EML5: variants seen among roughly 807,000 people sequenced by gnomAD.
EML5 encodes the protein echinoderm microtubule-associated protein-like 5.
In EML5, 120 loss-of-function variants were observed where a neutral mutation model predicts 250.0. The ratio of observed to expected loss-of-function variants is 0.48; its 90% CI spans 0.41 to 0.56. The LOEUF is 0.56. Among genes scored for constraint, EML5 ranks in the 20% least tolerant of loss-of-function variants. The probability of loss-of-function intolerance (pLI) is 0.00; values close to 1 mark genes in which losing one functional copy is unlikely to be tolerated. For missense variants in EML5, 2,006 were observed against 2,437.6 expected, an observed-to-expected ratio of 0.82 and a Z score of 3.73; for synonymous variants, 771 against 806.5, an observed-to-expected ratio of 0.96 and a Z score of 0.75.
Position 88,638,848 on chromosome 14 carries a change from G to T in EML5, c.4297C>A (p.His1433Asn). 1 of 1,598,298 alleles carries T rather than the reference G, an allele frequency of 6.3e-7. No homozygotes were observed. The highest frequency in any genetic ancestry group is 8.5e-7 in the Non-Finnish European group (1 of 1,171,950). Residue 1433 changes from histidine to asparagine, a missense_variant, in exon 32 of 44, where the codon CAC becomes AAC. Physicochemically the swap from His to Asn is moderately conservative, Grantham distance 68. Transcript: ENST00000554922. ...DDILCLTVNQ[H>N]PKFINIVATG... Reference sequence around the variant, plus strand: ...GCCACTATGTTGATAAATTTGGGGTGCTGGTTTACTGTGAGGCACAGAATA... The same window carrying T: ...GCCACTATGTTGATAAATTTGGGGTTCTGGTTTACTGTGAGGCACAGAATA...
chr14:88,746,600 T>C (rs1336644529), intron 2 of EML5, among the ~76,000 whole-genome samples: 1 of 152,042 alleles, frequency 6.6e-6, no homozygotes, highest in Non-Finnish European at 1.5e-5. Context: ...TTAAATGGAC[T>C]GATGAGCTGT....
intron 35 of EML5, chr14:88,625,912 C>T (rs541669973): frequency 6.6e-6 from 1 of 152,266 alleles, no homozygotes; most frequent in Admixed American, 6.5e-5. Flanking sequence ...TTTATACAGC[C>T]TAGCCAATGC....
chr14:88,708,503 A>G (rs1787623016), intron 10 of EML5, among the ~76,000 whole-genome samples: 1 of 152,208 alleles, frequency 6.6e-6, no homozygotes, highest in African/African-American at 2.4e-5. Context: ...AGAAAAAGAA[A>G]GGAAAAGCAA....
chr14:88,630,054 G>A (rs1254802832), intron 33 of EML5, among the ~76,000 whole-genome samples: 2 of 132,786 alleles, frequency 1.5e-5, no homozygotes, highest in African/African-American at 2.9e-5. Context: ...TTTTGAGATG[G>A]AGTTTCGCTC....
At chr14:88,774,817 C>A (rs897176998) in intron 1 of EML5, among the ~76,000 whole-genome samples, 1 of 152,212 alleles carries the variant, frequency 6.6e-6, no homozygotes, top group Non-Finnish European at 1.5e-5. Context: ...ATGCTGATAA[C>A]ATTCAAATCT....
chr14:88,755,773 AC>A (rs1051452877), intron 1 of EML5, among the ~76,000 whole-genome samples: 24 of 152,220 alleles, frequency 1.6e-4, no homozygotes, highest in African/African-American at 5.8e-4. Context: ...CTGGAGGATC[AC>A]CTGAGGTCAG....
At chr14:88,790,645 T>C (rs996902063) in intron 1 of EML5, among the ~76,000 whole-genome samples, 1 of 152,146 alleles carries the variant, frequency 6.6e-6, no homozygotes, top group Admixed American at 6.5e-5. Flanking sequence ...ACCAGCTGAA[T>C]TCAACCTAAC....
intron 21 of EML5, among the ~76,000 whole-genome samples, chr14:88,670,951 G>T (rs1267302911): frequency 6.6e-6 from 1 of 151,818 alleles, no homozygotes; most frequent in Admixed American, 6.6e-5. Flanking sequence ...GACTGACTGG[G>T]GTACCTGAAC....
intron 8 of EML5, among the ~76,000 whole-genome samples, chr14:88,717,142 T>C (rs1402370467): frequency 6.6e-6 from 1 of 152,182 alleles, no homozygotes; most frequent in Admixed American, 6.5e-5. Flanking sequence ...GTGGAGTAGA[T>C]AGCTATGATG....
intron 1 of EML5, among the ~76,000 whole-genome samples, chr14:88,770,905 A>G (rs1010566227): frequency 7.2e-5 from 11 of 152,196 alleles, no homozygotes; most frequent in Non-Finnish European, 1.3e-4. Flanking sequence ...AGATTTTTTT[A>G]AAGTTCTTCT....
rs1459978812 is a variant in EML5, at chr14:88,738,948, G to A, written c.778C>T (p.Arg260Cys). 9.3e-6 allele frequency: 15 copies of A among 1,606,108 alleles called. No individual in the cohort carries two copies. The highest frequency in any genetic ancestry group is 1.7e-5 in the Admixed American group (1 of 59,096). Residue 260 changes from arginine to cysteine, a missense_variant, in exon 6 of 44, where the codon CGT becomes TGT. By Grantham distance (180) the Arg-to-Cys change is radical. Transcript: ENST00000554922. ...FATGGRDGCI[R>C]LWDLTFKPIT... ...GGTTTAAAAGTTAAATCCCAAAGAC[G>A]AATACAACCATCTCTGCCACCAGTA...
intron 27 of EML5, among the ~76,000 whole-genome samples, chr14:88,652,116 A>T (rs917293722): frequency 6.6e-6 from 1 of 152,178 alleles, no homozygotes; most frequent in African/African-American, 2.4e-5. Flanking sequence ...GAAACATGGA[A>T]TTCTGTACAA....
chr14:88,719,466 T>C (rs528382048), intron 8 of EML5, among the ~76,000 whole-genome samples: 59 of 152,298 alleles, frequency 3.9e-4, no homozygotes, highest in Admixed American at 2.5e-3. Context: ...CCTTACTCCA[T>C]CTTCAGCATA....
chr14:88,627,653 C>A lies in EML5; in HGVS notation c.4524G>T (p.Trp1508Cys). ...CACACAAAAGAATCCTACCTTCCTG[C>A]CATCTCCAAATGGTAATAGTATGTT... Reference protein sequence around the residue: ...DPEHTITIWRWQEGAKIASRA... With the variant: ...DPEHTITIWRCQEGAKIASRA... The change falls in exon 34 of 44, where the codon TGG becomes TGT. Residue 1508 changes from tryptophan to cysteine, a missense_variant. Around this residue, in one of 7 missense-constraint regions of EML5, gnomAD observed 405 missense variants for 523.3 expected, o/e 0.77. Coordinates refer to ENST00000554922, the MANE Select transcript of EML5 (RefSeq NM_183387.3). 1 of 1,595,942 alleles carries A rather than the reference C, an allele frequency of 6.3e-7. No individual in the cohort carries two copies. Among genetic ancestry groups the A allele is most frequent in the Non-Finnish European group, 8.5e-7 (1 of 1,174,790 alleles).
chr14:88,665,610 C>G (rs772539186), intron 21 of EML5, 121 bp from the exon 22 acceptor site: 10 of 1,332,984 alleles, frequency 7.5e-6, no homozygotes, highest in African/African-American at 1.5e-5. Context: ...GAGGACTGCC[C>G]GCGGCCAGGA....
rs1225135864 is a variant in EML5 at position 88,685,050 on chromosome 14, C to A, written c.2947G>T (p.Val983Leu). 1 of 1,610,578 alleles carries A rather than the reference C, an allele frequency of 6.2e-7. No homozygotes were observed. Among genetic ancestry groups the A allele is most frequent in the Non-Finnish European group, 8.5e-7 (1 of 1,178,330 alleles). The stretch of plus-strand genomic sequence containing the variant: ...AGTGTTATTGGGCCACTTTTATCCA[C>A]TTCTAGTATTTCACCATTCTTTGTG... ...VGTKNGEILE[V>L]DKSGPITLLV... Residue 983 changes from valine (V) to leucine (L), a missense_variant, in exon 20 of 44, where the codon GTG (valine) becomes TTG (leucine). This residue lies in a region of EML5 where 1,375 missense variants were observed against 1,590.3 expected (regional missense o/e 0.86). Transcript: ENST00000554922.
chr14:88,617,081 G>A (rs1302718560), intron 41 of EML5: 1 of 453,552 alleles, frequency 2.2e-6, no homozygotes, highest in East Asian at 3.2e-5. Context: ...TTTATAATTT[G>A]AAGGGTTTCT....
chr14:88,678,359 G>A (rs1439649992), intron 21 of EML5, among the ~76,000 whole-genome samples: 4 of 152,088 alleles, frequency 2.6e-5, no homozygotes, highest in African/African-American at 7.2e-5. Context: ...GTGATGGGTT[G>A]ACAGGTGCAA....
chr14:88,676,486 G>A (rs1346246625), intron 21 of EML5, among the ~76,000 whole-genome samples: 1 of 152,130 alleles, frequency 6.6e-6, no homozygotes, highest in East Asian at 1.9e-4. Flanking sequence ...CCTCCCACCA[G>A]GTCCCTCCCA....
Sources: gnomAD v4.1 joint callset for allele counts (sites outside exome capture counted in the v4.1 genomes callset) on GRCh38, gnomAD v4.1.1 for gene constraint, gnomAD v4.1.1 regional missense constraint, MANE v1.5 for transcripts, NCBI Gene and HGNC (gene_info 2026-07-23, HGNC 2026-07-21) for gene names.